The following ARHGEF6 variants were observed in gnomAD, a reference collection of about 807,000 sequenced individuals.
The protein encoded by ARHGEF6 is Rac/Cdc42 guanine nucleotide exchange factor 6.
A neutral mutation model predicts 70.3 loss-of-function variants in ARHGEF6; 9 were observed. The ratio of observed to expected loss-of-function variants is 0.13; its 90% CI spans 0.08 to 0.22. The LOEUF is 0.22. ARHGEF6 is among the 10% of genes least tolerant of loss of function. The pLI is 1.00. For synonymous variants in ARHGEF6, 201 were observed against 207.8 expected (o/e 0.97, Z 0.28); for missense variants, 470 against 563.0 (o/e 0.83, Z 1.67).
intron 6 of ARHGEF6, among the ~76,000 whole-genome samples, chrX:136,716,778 TC>T (rs960264426): frequency 3.6e-5 from 4 of 111,699 alleles, no homozygotes; most frequent in African/African-American, 1.3e-4. Context: ...TAAGAAAGAA[TC>T]AAAAAGCAAT....
chrX:136,743,581 T>C lies in ARHGEF6; in HGVS notation c.661+4A>G, dbSNP rs1343610814. The C allele has an allele frequency of 8.3e-7, 1 of 1,209,734 alleles. No homozygotes were observed. The highest frequency in any genetic ancestry group is 1.8e-5 in the South Asian group (1 of 56,928). ...TCAAAAAGCCTTTTAAAAACTTCAC[T>C]TACCACTGGATTTAATTTCACGGAC... On this transcript the variant is annotated splice_donor_region_variant and intron_variant, in intron 5 of 21. Coordinates refer to ENST00000250617, the MANE Select transcript of ARHGEF6 (RefSeq NM_004840.3).
chrX:136,768,299 T>C (rs1023279852), intron 2 of ARHGEF6: 1 of 112,582 alleles, frequency 8.9e-6, no homozygotes, highest in Non-Finnish European at 1.9e-5. Context: ...TTTACAGAAA[T>C]ACGATGCAAT....
chrX:136,727,415 T>TCTCTC (rs1569411130), intron 6 of ARHGEF6, among the ~76,000 whole-genome samples: 47 of 78,693 alleles, frequency 6.0e-4, no homozygotes, highest in South Asian at 3.8e-3. Flanking sequence ...CTCTCTCTCT[T>TCTCTC]TCTTTCTTTC....
rs745458792 is a variant in ARHGEF6, at chrX:136,732,158, G to C, written c.676C>G (p.Pro226Ala). ...EIKSSERPLSPKAVKGFETAP... is the reference protein window; with the variant it reads ...EIKSSERPLSAKAVKGFETAP... Reference sequence around the variant, plus strand: ...GTTTCAAATCCTTTGACGGCTTTTGGGGAGAGAGGTCTCTCTGTGAAAAAA... The same window carrying C: ...GTTTCAAATCCTTTGACGGCTTTTGCGGAGAGAGGTCTCTCTGTGAAAAAA... Residue 226 changes from proline (P) to alanine (A), a missense_variant, in exon 6 of 22, where the codon CCA becomes GCA. Coordinates refer to ENST00000250617, the MANE Select transcript of ARHGEF6 (RefSeq NM_004840.3). The C allele has an allele frequency of 6.6e-6, 8 of 1,203,459 alleles. No homozygotes were observed. The South Asian group carries it at 1.4e-4, about 21-fold the overall frequency.
chrX:136,723,415 T>C (rs1264315061), intron 6 of ARHGEF6, among the ~76,000 whole-genome samples: 1 of 112,106 alleles, frequency 8.9e-6, no homozygotes, highest in Non-Finnish European at 1.9e-5. Flanking sequence ...TGCAGGGTCA[T>C]GGCCCTCAAT....
chrX:136,758,031 C>CTTCTTTTT (rs2077226073), intron 2 of ARHGEF6, among the ~76,000 whole-genome samples: 1 of 14,032 alleles, frequency 7.1e-5, no homozygotes, highest in African/African-American at 2.9e-4. Context: ...AAAATAAATT[C>CTTCTTTTT]TTTTTTTTTT....
At chrX:136,668,321 T>C in intron 21 of ARHGEF6, 152 bp from the exon 22 acceptor site, 1 of 659,336 alleles carries the variant, frequency 1.5e-6, no homozygotes, top group East Asian at 3.3e-5. Flanking sequence ...GCCTGTCGAT[T>C]CTCCTGCCTG....
At position 136,666,580 on chromosome X, in the gene ARHGEF6, T is replaced by C. The variant is rs753907101; in HGVS notation, c.*1449A>G. ...CACATTTATAGGCATCCATCAAATA[T>C]ATTATAAAGGCAATTCTGATCAGCC... On this transcript the variant is annotated 3_prime_UTR_variant, in exon 22 of 22. Transcript: ENST00000250617. 8.9e-6 allele frequency: 1 copy of C among 112,109 alleles called. No homozygotes were observed. Among genetic ancestry groups the C allele is most frequent in the Non-Finnish European group, 1.9e-5 (1 of 53,191 alleles). The allele number at this position is 112,109 out of a possible 1,213,427, so 9.2% of individuals were successfully genotyped here.
At chrX:136,687,228 A>G (rs1019149738) in intron 11 of ARHGEF6, among the ~76,000 whole-genome samples, 9 of 112,122 alleles carry the variant, frequency 8.0e-5, no homozygotes, top group African/African-American at 2.9e-4. Flanking sequence ...TCAACTACAG[A>G]CACGTCAATT....
chrX:136,688,315 A>G (rs768177190), intron 10 of ARHGEF6, among the ~76,000 whole-genome samples: 1 of 111,675 alleles, frequency 9.0e-6, no homozygotes, highest in Non-Finnish European at 1.9e-5. Context: ...TGCATCATAT[A>G]TTTAGTAACA....
chrX:136,686,146 C>T (rs764093629), intron 11 of ARHGEF6, among the ~76,000 whole-genome samples: 1 of 112,622 alleles, frequency 8.9e-6, no homozygotes, highest in South Asian at 3.7e-4. Context: ...TGACCAGAGC[C>T]AGGTGAGGAC....
chrX:136,778,810 G>A (rs1204982777), intron 2 of ARHGEF6, among the ~76,000 whole-genome samples: 1 of 111,687 alleles, frequency 9.0e-6, no homozygotes, highest in Non-Finnish European at 1.9e-5. Context: ...CCCATGAGTT[G>A]GCTATTAGCA....
At chrX:136,714,116 G>C (rs1261684315) in intron 6 of ARHGEF6, among the ~76,000 whole-genome samples, 1 of 111,608 alleles carries the variant, frequency 9.0e-6, no homozygotes, top group Non-Finnish European at 1.9e-5. Flanking sequence ...GAAGTGTGAG[G>C]AATTTAACAA....
At chrX:136,699,797 A>G (rs1406839347) in intron 9 of ARHGEF6, among the ~76,000 whole-genome samples, 1 of 111,576 alleles carries the variant, frequency 9.0e-6, no homozygotes, top group African/African-American at 3.3e-5. Flanking sequence ...TTGGGATCCA[A>G]AAACCCAAAA....
At chrX:136,716,728 C>T (rs777368290) in intron 6 of ARHGEF6, among the ~76,000 whole-genome samples, 17 of 111,685 alleles carry the variant, frequency 1.5e-4, no homozygotes, top group Non-Finnish European at 3.0e-4. Context: ...AGACAACGTG[C>T]AAGAATAGAT....
chrX:136,685,608 A>G, intron 12 of ARHGEF6, 69 bp downstream of exon 12: 2 of 812,233 alleles, frequency 2.5e-6, no homozygotes, highest in Non-Finnish European at 3.3e-6. Flanking sequence ...CTCCGTCAAA[A>G]AAAAAAAAAA....
At chrX:136,669,212 A>C (rs2076196801) in intron 21 of ARHGEF6, among the ~76,000 whole-genome samples, 1 of 112,234 alleles carries the variant, frequency 8.9e-6, no homozygotes, top group South Asian at 3.7e-4. Context: ...CTTTTCTTAA[A>C]GTCTGTTTAT....
At chrX:136,758,031 C>CT (rs1164537601) in intron 2 of ARHGEF6, among the ~76,000 whole-genome samples, 151 of 14,033 alleles carry the variant, frequency 0.011, 62 homozygotes, top group Non-Finnish European at 0.013. Flanking sequence ...AAAATAAATT[C>CT]TTTTTTTTTT....
intron 6 of ARHGEF6, among the ~76,000 whole-genome samples, chrX:136,727,521 C>CTCCG (rs1491106431): frequency 2.1e-5 from 2 of 96,997 alleles, no homozygotes; most frequent in Non-Finnish European, 4.2e-5. Context: ...CCCTCCCTCC[C>CTCCG]TCTCTCTCTC....
Sources: gnomAD v4.1 joint callset for allele counts (sites outside exome capture counted in the v4.1 genomes callset) on GRCh38, gnomAD v4.1.1 for gene constraint, MANE v1.5 for transcripts, NCBI Gene and HGNC (gene_info 2026-07-23, HGNC 2026-07-21) for gene names.